CASZ1: variants seen among roughly 807,000 people sequenced by gnomAD.
CASZ1 encodes the protein zinc finger protein castor homolog 1.
CASZ1 carries 28 observed loss-of-function variants against 135.2 expected under a neutral mutation model. The ratio of observed to expected loss-of-function variants is 0.21; its 90% confidence interval spans 0.15 to 0.28. CASZ1 has a LOEUF of 0.28. Among genes scored for constraint, CASZ1 ranks in the 10% least tolerant of loss-of-function variants. CASZ1 has a pLI of 1.00. For synonymous variants in CASZ1, 1,068 were observed against 1,073.4 expected (o/e 0.99, Z 0.10); for missense variants, 2,161 against 2,453.3 (o/e 0.88, Z 2.52).
Position 10,665,135 on chromosome 1 carries a change from C to T in CASZ1, c.453G>A (p.Ser151=), listed in dbSNP as rs61745663. ...TGTCCTCCTTGGAGGCTGCCCCGTC[C>T]GAATCCTTCTCCTCCAGGGCACCGC... ...KDGGALEEKD[S]DGAASKEDSG... Residue 151 remains serine (S), a synonymous_variant, in exon 5 of 21, where the codon TCG becomes TCA. Coordinates refer to ENST00000377022, the MANE Select transcript of CASZ1 (RefSeq NM_001079843.3). The T allele has an allele frequency of 1.9e-5, 29 of 1,527,558 alleles. No individual in the cohort carries two copies. Among genetic ancestry groups the T allele is most frequent in the East Asian group, 1.4e-4 (6 of 43,824 alleles). The allele number at this position is 1,527,558 out of a possible 1,614,324, so 94.6% of individuals were successfully genotyped here.
At chr1:10,662,135 G>A (rs369681210) in intron 5 of CASZ1, among the ~76,000 whole-genome samples, 45 of 147,560 alleles carry the variant, frequency 3.0e-4, no homozygotes, top group Middle Eastern at 3.8e-3. Context: ...ACATGCATTC[G>A]CATACACTCA....
intron 1 of CASZ1, among the ~76,000 whole-genome samples, chr1:10,782,036 C>T (rs1424686016): frequency 6.6e-6 from 1 of 152,252 alleles, no homozygotes; most frequent in Non-Finnish European, 1.5e-5. Context: ...AGACACCCCC[C>T]AGGAGCAGGT....
At chr1:10,792,077 TCTG>T (rs1483177732) in intron 1 of CASZ1, among the ~76,000 whole-genome samples, 6 of 151,006 alleles carry the variant, frequency 4.0e-5, no homozygotes, top group Non-Finnish European at 8.8e-5. Flanking sequence ...TCCTCTCGCC[TCTG>T]AGCTGAGCAG....
Position 10,659,977 on chromosome 1 carries a change from G to A in CASZ1, c.1065C>T (p.Gly355=), listed in dbSNP as rs1041127684. The A allele has an allele frequency of 7.4e-6, 12 of 1,613,418 alleles. No homozygotes were observed. The highest frequency in any genetic ancestry group is 1.0e-5 in the Non-Finnish European group (12 of 1,180,008). The change falls in exon 6 of 21, where the codon GGC becomes GGT. Residue 355 remains glycine, a synonymous_variant. Transcript: ENST00000377022. The part of the protein sequence containing the change: ...KYLHLFKPGE[G]SPDMGGAIAF... ...CGATGGCCCCGCCCATGTCGGGGCTGCCCTCCCCGGGTTTGAAGAGGTGCA... is the reference window on the plus strand; with the variant it reads ...CGATGGCCCCGCCCATGTCGGGGCTACCCTCCCCGGGTTTGAAGAGGTGCA...
intron 2 of CASZ1, among the ~76,000 whole-genome samples, chr1:10,723,143 C>T (rs1295663231): frequency 6.6e-6 from 1 of 152,228 alleles, no homozygotes; most frequent in Admixed American, 6.5e-5. Context: ...GAACAGTGCC[C>T]TGGCTGTAAA....
At chr1:10,688,960 C>G (rs1434483372) in intron 4 of CASZ1, among the ~76,000 whole-genome samples, 1 of 152,174 alleles carries the variant, frequency 6.6e-6, no homozygotes, top group Non-Finnish European at 1.5e-5. Flanking sequence ...TACAGTGCAA[C>G]TTCCTTCCCC....
intron 1 of CASZ1, among the ~76,000 whole-genome samples, chr1:10,789,797 C>T (rs905277721): frequency 1.1e-4 from 17 of 152,322 alleles, no homozygotes; most frequent in Non-Finnish European, 2.5e-4. Flanking sequence ...CAGGCCACCC[C>T]TCACTCTGCC....
At chr1:10,765,390 G>GAA (rs113769665) in intron 1 of CASZ1, among the ~76,000 whole-genome samples, 89 of 141,134 alleles carry the variant, frequency 6.3e-4, no homozygotes, top group African/African-American at 2.1e-3. Context: ...TATGGAAAAG[G>GAA]AAAAAAAAAA....
In CASZ1 at chr1:10,747,171, C is replaced by T. The variant is rs1450119446; in HGVS notation, c.-77+13530G>A. Among the ~76,000 whole-genome samples the T allele has an allele frequency of 6.6e-6, 1 of 152,246 alleles. No homozygotes were observed. Among genetic ancestry groups the T allele is most frequent in the Non-Finnish European group, 1.5e-5 (1 of 68,052 alleles). Reference sequence around the variant, plus strand: ...GAGGCTCCAGCTACTCCACCAGCTACCCCCATACCCTCTGAGCCTCTGGCC... The same window carrying T: ...GAGGCTCCAGCTACTCCACCAGCTATCCCCATACCCTCTGAGCCTCTGGCC... On this transcript the variant is annotated intron_variant, in intron 2 of 20. Transcript: ENST00000377022. This position sits in a 1 kb window ranked among gnomAD's most constrained non-coding sequence, Gnocchi z 4.3.
rs897383817 is a variant in CASZ1, at chr1:10,706,949, C to A, written c.-76-1405G>T. Reference sequence around the variant, plus strand: ...GAATAAGGAAAAGAGAAGGAGCTGGCCAGGAGAGGAGAGGATGGAGGAGGA... The same window carrying A: ...GAATAAGGAAAAGAGAAGGAGCTGGACAGGAGAGGAGAGGATGGAGGAGGA... On this transcript the variant is annotated intron_variant, in intron 2 of 20. Transcript: ENST00000377022. The surrounding 1 kb of genome is among the most constrained non-coding windows in gnomAD (Gnocchi z 4.3). Among the ~76,000 whole-genome samples, 4 of 151,972 alleles carry A rather than the reference C, an allele frequency of 2.6e-5. No individual in the cohort carries two copies. Among genetic ancestry groups the A allele is most frequent in the African/African-American group, 7.3e-5 (3 of 41,368 alleles).
intron 2 of CASZ1, among the ~76,000 whole-genome samples, chr1:10,718,476 A>C (rs1463860657): frequency 6.6e-6 from 1 of 152,242 alleles, no homozygotes; most frequent in Non-Finnish European, 1.5e-5. Context: ...TCCATAAAAC[A>C]TCCAGTCTGT....
intron 4 of CASZ1, among the ~76,000 whole-genome samples, chr1:10,693,494 G>GAAAAA (rs1638830026): frequency 8.3e-5 from 1 of 11,996 alleles, no homozygotes; most frequent in African/African-American, 4.3e-4. Context: ...TCTTTGCAGA[G>GAAAAA]AACAAAAAAA....
chr1:10,767,636 C>T lies in CASZ1; in HGVS notation c.-233-6779G>A, dbSNP rs946495987. Among the ~76,000 whole-genome samples, 4 of 152,132 alleles carry T rather than the reference C, an allele frequency of 2.6e-5. No homozygotes were observed. Among genetic ancestry groups the T allele is most frequent in the Admixed American group, 6.5e-5 (1 of 15,272 alleles). Reference sequence around the variant, plus strand: ...ACCACCCAAAGTCATTCAGATATTTCCTCTCTCACTTGCTTTTTAAAAAAA... The same window carrying T: ...ACCACCCAAAGTCATTCAGATATTTTCTCTCTCACTTGCTTTTTAAAAAAA... On this transcript the variant is annotated intron_variant, in intron 1 of 20. Transcript: ENST00000377022. This position sits in a 1 kb window ranked among gnomAD's most constrained non-coding sequence, Gnocchi z 4.2.
chr1:10,709,879 C>CCCGAT lies in CASZ1; in HGVS notation c.-76-4340_-76-4336dup, dbSNP rs963616350. Among the ~76,000 whole-genome samples the CCCGAT allele has an allele frequency of 6.6e-6, 1 of 152,192 alleles. No individual in the cohort carries two copies. The highest frequency in any genetic ancestry group is 2.4e-5 in the African/African-American group (1 of 41,458). On this transcript the variant is annotated intron_variant, in intron 2 of 20. Transcript: ENST00000377022. This position sits in a 1 kb window ranked among gnomAD's most constrained non-coding sequence, Gnocchi z 5.1. Reference sequence around the variant, plus strand: ...GGCGGCCCGCACAGGCCAGCAGGTGCCCGATCGAGACAGAGGCCTCGGGAA... The same window carrying CCCGAT: ...GGCGGCCCGCACAGGCCAGCAGGTGCCCGATCCGATCGAGACAGAGGCCTCGGGAA...
rs542338654 is a variant in CASZ1, at chr1:10,745,733, A to G, written c.-77+14968T>C. 7.2e-5 allele frequency among the ~76,000 whole-genome samples: 11 copies of G among 152,276 alleles called. No homozygotes were observed. In the East Asian group the frequency reaches 1.9e-3, roughly 27 times the overall value. On this transcript the variant is annotated intron_variant, in intron 2 of 20. Transcript: ENST00000377022. ...TGCTCTGTCCCCTCTAAGCCAAGAG[A>G]TATCAGAAAAGCCACTCATTATCTC...
At position 10,739,209 on chromosome 1, in the gene CASZ1, T is replaced by G. The variant is rs1639865232; in HGVS notation, c.-77+21492A>C. On this transcript the variant is annotated intron_variant, in intron 2 of 20. Coordinates refer to ENST00000377022, the MANE Select transcript of CASZ1 (RefSeq NM_001079843.3). This position sits in a 1 kb window ranked among gnomAD's most constrained non-coding sequence, Gnocchi z 4.8. ...GCGGCCAGTCCCCGGGCGTACAGCGTGCGGTGCAACCTGCAGCTGCGGGAC... is the reference window on the plus strand; with the variant it reads ...GCGGCCAGTCCCCGGGCGTACAGCGGGCGGTGCAACCTGCAGCTGCGGGAC... 6.6e-6 allele frequency among the ~76,000 whole-genome samples: 1 copy of G among 152,100 alleles called. No individual in the cohort carries two copies. The highest frequency in any genetic ancestry group is 2.4e-5 in the African/African-American group (1 of 41,426).
rs201085072 is a variant in CASZ1, at chr1:10,711,585, C to CA, written c.-76-6042dup. Among the ~76,000 whole-genome samples the CA allele has an allele frequency of 0.055, 5,374 of 97,458 alleles. 216 individuals are homozygous for CA. The highest frequency in any genetic ancestry group is 0.21 in the East Asian group (857 of 4,106). The allele number at this position is 97,458 out of a possible 152,430, so 63.9% of individuals were successfully genotyped here. A position where few individuals can be genotyped will look rare whatever the true frequency, so the allele number is the denominator to read the frequency against. ...CCAGAAAAAATGGAAAACAGGTACTCAAAAAAAAAAAAAAAAGAAAAACAA... is the reference window on the plus strand; with the variant it reads ...CCAGAAAAAATGGAAAACAGGTACTCAAAAAAAAAAAAAAAAAGAAAAACAA... On this transcript the variant is annotated intron_variant, in intron 2 of 20. Coordinates refer to ENST00000377022, the MANE Select transcript of CASZ1 (RefSeq NM_001079843.3). The surrounding 1 kb of genome is among the most constrained non-coding windows in gnomAD (Gnocchi z 4.4).
intron 1 of CASZ1, among the ~76,000 whole-genome samples, chr1:10,785,411 C>A (rs1233093507): frequency 6.6e-6 from 1 of 152,144 alleles, no homozygotes; most frequent in African/African-American, 2.4e-5. Flanking sequence ...TCCCAGATCT[C>A]AGATAGTGAA....
chr1:10,790,094 A>G (rs528800285), intron 1 of CASZ1, among the ~76,000 whole-genome samples: 91 of 152,166 alleles, frequency 6.0e-4, no homozygotes, highest in African/African-American at 2.1e-3. Flanking sequence ...AGACAGACCC[A>G]CTCGCAGAGC....
Sources: gnomAD v4.1 joint callset for allele counts (sites outside exome capture counted in the v4.1 genomes callset) on GRCh38, gnomAD v4.1.1 for gene constraint, Gnocchi (gnomAD v3.1) non-coding constraint, MANE v1.5 for transcripts, NCBI Gene and HGNC (gene_info 2026-07-23, HGNC 2026-07-21) for gene names.